ITPK1: variants seen among roughly 807,000 people sequenced by gnomAD.
ITPK1 encodes inositol-tetrakisphosphate 1-kinase.
In ITPK1, 21 loss-of-function variants were observed where a neutral mutation model predicts 45.3. The ratio of observed to expected loss-of-function variants is 0.46; its 90% confidence interval spans 0.33 to 0.67. The LOEUF is 0.67. ITPK1 is among the 30% of genes least tolerant of loss of function. The probability of loss-of-function intolerance (pLI) is 0.02; values close to 1 mark genes in which losing one functional copy is unlikely to be tolerated. For synonymous variants in ITPK1, 258 were observed against 253.6 expected, an observed-to-expected ratio of 1.02 and a Z score of -0.16; for missense variants, 474 against 573.5, an observed-to-expected ratio of 0.83 and a Z score of 1.77.
At chr14:93,093,324 G>A (rs931212240) in intron 2 of ITPK1, among the ~76,000 whole-genome samples, 2 of 152,224 alleles carry the variant, frequency 1.3e-5, no homozygotes, top group Admixed American at 6.5e-5. Context: ...CTGCCCCAGC[G>A]GCCAGGCCGT....
rs772730022 is a variant in ITPK1 at position 92,938,642 on chromosome 14, T to A, written c.*2919A>T. 16 of 835,596 alleles carry A rather than the reference T, an allele frequency of 1.9e-5. No individual in the cohort carries two copies. Among genetic ancestry groups the A allele is most frequent in the Non-Finnish European group, 2.6e-5 (13 of 500,054 alleles). 51.8% of individuals were successfully genotyped at this position (835,596 alleles called of 1,614,324 possible). On this transcript the variant is annotated 3_prime_UTR_variant, in exon 11 of 11. Coordinates refer to ENST00000267615, the MANE Select transcript of ITPK1 (RefSeq NM_014216.6). ...TGGAACCTGCCAGGTTGCAGCTGGG[T>A]CCAATCCCGCCGGCCATGCTGGGTG...
At chr14:93,101,165 G>A (rs187649042) in intron 2 of ITPK1, among the ~76,000 whole-genome samples, 1 of 152,322 alleles carries the variant, frequency 6.6e-6, no homozygotes, top group African/African-American at 2.4e-5. Context: ...CACTCCTAGA[G>A]GTTCCCTGGA....
At chr14:92,968,266 G>A (rs1315402197) in intron 5 of ITPK1, among the ~76,000 whole-genome samples, 1 of 152,108 alleles carries the variant, frequency 6.6e-6, no homozygotes, top group Non-Finnish European at 1.5e-5. Flanking sequence ...GGGAGGCGGA[G>A]GTTGCAGTGA....
chr14:92,997,716 C>T (rs1323236000), intron 4 of ITPK1, among the ~76,000 whole-genome samples: 1 of 152,192 alleles, frequency 6.6e-6, no homozygotes, highest in Non-Finnish European at 1.5e-5. Flanking sequence ...CCTCGCAGGG[C>T]CTGCCAGCTA....
rs1301047432 is a variant in ITPK1, at chr14:93,113,505, A to G, written c.95+1564T>C. 7.4e-4 allele frequency among the ~76,000 whole-genome samples: 113 copies of G among 152,198 alleles called. 1 individual carries two copies. The highest frequency in any genetic ancestry group is 4.1e-4 in the South Asian group (2 of 4,830). On this transcript the variant is annotated intron_variant, in intron 2 of 10. Transcript: ENST00000267615. Reference sequence around the variant, plus strand: ...GCTGGGATTTCCCAAGTCTTACATGACTGCAGGGGGAGCTCCGGTGCCTCA... The same window carrying G: ...GCTGGGATTTCCCAAGTCTTACATGGCTGCAGGGGGAGCTCCGGTGCCTCA...
At chr14:93,109,748 T>G (rs1410768267) in intron 2 of ITPK1, among the ~76,000 whole-genome samples, 1 of 152,198 alleles carries the variant, frequency 6.6e-6, no homozygotes, top group Non-Finnish European at 1.5e-5. Flanking sequence ...CAGGCAAGCC[T>G]GGGCCCCCTC....
intron 3 of ITPK1, among the ~76,000 whole-genome samples, chr14:93,035,265 G>T (rs1287725487): frequency 6.6e-6 from 1 of 152,234 alleles, no homozygotes; most frequent in Non-Finnish European, 1.5e-5. Flanking sequence ...GGCAGACATG[G>T]TTGGCAGTTG....
chr14:93,046,029 C>A (rs1019080663), intron 3 of ITPK1, among the ~76,000 whole-genome samples: 1 of 152,226 alleles, frequency 6.6e-6, no homozygotes, highest in African/African-American at 2.4e-5. Context: ...GGGCCTCAAG[C>A]CCTCACCAGG....
chr14:92,939,876 A>G lies in ITPK1; in HGVS notation c.*1685T>C. The G allele has an allele frequency of 1.0e-6, 1 of 985,860 alleles. No individual in the cohort carries two copies. Among genetic ancestry groups the G allele is most frequent in the Non-Finnish European group, 1.2e-6 (1 of 829,944 alleles). The allele number at this position is 985,860 out of a possible 1,614,324, so 61.1% of individuals were successfully genotyped here. ...CACGTGTGAAATGCGGTTTGATTTC[A>G]GTAGTTTATTTTGGAGACAAAGCAG... On this transcript the variant is annotated 3_prime_UTR_variant, in exon 11 of 11. Transcript: ENST00000267615.
chr14:93,008,041 G>A (rs928142838), intron 4 of ITPK1, among the ~76,000 whole-genome samples: 1 of 152,228 alleles, frequency 6.6e-6, no homozygotes, highest in African/African-American at 2.4e-5. Context: ...CCTATCCACC[G>A]TGCTCCAGCT....
intron 9 of ITPK1, among the ~76,000 whole-genome samples, chr14:92,948,832 A>AC (rs761082683): frequency 8.7e-6 from 1 of 114,756 alleles, no homozygotes; most frequent in Non-Finnish European, 1.8e-5. Context: ...CCCGGGCACC[A>AC]CCCACGCTCC....
Position 93,068,539 on chromosome 14 carries a change from C to A in ITPK1, c.120+8056G>T, listed in dbSNP as rs1273782886. On this transcript the variant is annotated intron_variant, in intron 3 of 10. Coordinates refer to ENST00000267615, the MANE Select transcript of ITPK1 (RefSeq NM_014216.6). ...TATTCCCAAAGCCCTTTACGCTTGG[C>A]TCCACAGCACACGGCAGAGAAAATC... 2.0e-5 allele frequency: 3 copies of A among 152,284 alleles called. No homozygotes were observed. The East Asian group carries it at 5.8e-4, about 29-fold the overall frequency. The allele number at this position is 152,284 out of a possible 1,614,324, so 9.4% of individuals were successfully genotyped here.
intron 2 of ITPK1, among the ~76,000 whole-genome samples, chr14:93,098,790 G>A (rs1566785298): frequency 6.6e-6 from 1 of 152,154 alleles, no homozygotes; most frequent in Admixed American, 6.5e-5. Context: ...AGGGCAGAAC[G>A]GCTTCCCTTC....
intron 3 of ITPK1, among the ~76,000 whole-genome samples, chr14:93,045,445 G>C (rs533763796): frequency 6.6e-6 from 1 of 152,238 alleles, no homozygotes. Context: ...TCACCAGGAT[G>C]GGGGAAGATT....
intron 3 of ITPK1, among the ~76,000 whole-genome samples, chr14:93,021,250 C>A (rs1888445616): frequency 6.6e-6 from 1 of 151,962 alleles, no homozygotes; most frequent in African/African-American, 2.4e-5. Flanking sequence ...AGAAGCAGGT[C>A]TCTCCAGAAG....
Position 92,998,564 on chromosome 14 carries a change from G to A in ITPK1, c.247-4567C>T, listed in dbSNP as rs1380418197. On this transcript the variant is annotated intron_variant, in intron 4 of 10. Transcript: ENST00000267615. ...GCAGGGACAGAAGTAGGTGAGGGAC[G>A]GATGAAATGAGAGTGGCTGCAGCTG... Among the ~76,000 whole-genome samples the A allele has an allele frequency of 2.6e-5, 4 of 152,246 alleles. No individual in the cohort carries two copies. In the East Asian group the frequency reaches 5.8e-4, roughly 22 times the overall value.
chr14:93,070,494 C>T (rs1370823880), intron 3 of ITPK1: 2 of 152,338 alleles, frequency 1.3e-5, no homozygotes. Context: ...GGGAAGTAAT[C>T]ATAGTGCCGT....
intron 2 of ITPK1, among the ~76,000 whole-genome samples, chr14:93,082,445 C>T (rs1891475615): frequency 6.6e-6 from 1 of 151,880 alleles, no homozygotes. Context: ...AACCAGACCC[C>T]CCTGTACCTT....
At chr14:92,980,178 A>C (rs1246802868) in intron 5 of ITPK1, among the ~76,000 whole-genome samples, 1 of 152,194 alleles carries the variant, frequency 6.6e-6, no homozygotes, top group Non-Finnish European at 1.5e-5. Context: ...CACAGCTTCG[A>C]TGCAGGATCC....
Sources: allele counts gnomAD v4.1 joint callset (sites outside exome capture counted in the v4.1 genomes callset), GRCh38; gene constraint gnomAD v4.1.1; transcripts MANE v1.5; gene names NCBI Gene and HGNC (gene_info 2026-07-23, HGNC 2026-07-21).